The following TMEM135 variants were observed in gnomAD, a reference collection of about 807,000 sequenced individuals.
TMEM135 encodes the protein peroxisomal membrane protein 52.
In TMEM135, 30 loss-of-function variants were observed where a neutral mutation model predicts 60.3. That is an observed-to-expected ratio of 0.50 (90% confidence interval 0.37 to 0.68). The LOEUF (loss-of-function observed/expected upper bound fraction) is 0.68. TMEM135 is among the 30% of genes least tolerant of loss of function. The pLI, the probability that TMEM135 is intolerant of heterozygous loss-of-function variation, is 0.00. For synonymous variants in TMEM135, 190 were observed against 186.7 expected, an observed-to-expected ratio of 1.02 and a Z score of -0.14; for missense variants, 468 against 548.8, an observed-to-expected ratio of 0.85 and a Z score of 1.47.
At chr11:87,294,340 C>G (rs10898663) in intron 6 of TMEM135, among the ~76,000 whole-genome samples, 1 of 151,958 alleles carries the variant, frequency 6.6e-6, no homozygotes, top group Non-Finnish European at 1.5e-5. Context: ...GTGGCCTTTC[C>G]TACAGAAGAC....
At chr11:87,156,961 A>C (rs1938710538) in intron 4 of TMEM135, among the ~76,000 whole-genome samples, 1 of 152,166 alleles carries the variant, frequency 6.6e-6, no homozygotes, top group Admixed American at 6.5e-5. Context: ...TGAGCTCTTA[A>C]AAGATTGTGA....
intron 5 of TMEM135, among the ~76,000 whole-genome samples, chr11:87,174,242 A>T (rs1939314137): frequency 6.6e-6 from 1 of 152,168 alleles, no homozygotes; most frequent in Admixed American, 6.6e-5. Context: ...CCTCTGATTT[A>T]TCTATCATAT....
chr11:87,241,710 C>G (rs1184566929), intron 6 of TMEM135, among the ~76,000 whole-genome samples: 1 of 151,976 alleles, frequency 6.6e-6, no homozygotes, highest in Non-Finnish European at 1.5e-5. Context: ...CTGTCTATCT[C>G]CATGAGTTCA....
intron 5 of TMEM135, among the ~76,000 whole-genome samples, chr11:87,203,641 C>G (rs779580692): frequency 1.2e-4 from 19 of 152,170 alleles, no homozygotes; most frequent in Non-Finnish European, 2.4e-4. Context: ...TAAGTTTTGA[C>G]AATTAGGAAT....
chr11:87,310,508 GA>G (rs568830256), intron 10 of TMEM135, among the ~76,000 whole-genome samples: 105 of 151,526 alleles, frequency 6.9e-4, no homozygotes, highest in Admixed American at 3.0e-3. Context: ...GGCAAGGATT[GA>G]AAAACTAGTG....
rs1555106784 is a variant in TMEM135 at position 87,122,437 on chromosome 11, ATATTTATTTATT to A, written c.396+31059_396+31070del. Among the ~76,000 whole-genome samples the A allele has an allele frequency of 4.8e-5, 7 of 144,946 alleles. No individual in the cohort carries two copies. The East Asian group carries it at 6.0e-4, about 12-fold the overall frequency. ...TTTGTTCATTTATCATTTAGTTTTT[ATATTTATTTATT>A]TATTTATTTATTTATTATTTATTTT... On this transcript the variant is annotated intron_variant, in intron 4 of 14. Coordinates refer to ENST00000305494, the MANE Select transcript of TMEM135 (RefSeq NM_022918.4).
At chr11:87,169,350 C>G (rs1008377598) in intron 5 of TMEM135, among the ~76,000 whole-genome samples, 2 of 150,374 alleles carry the variant, frequency 1.3e-5, no homozygotes, top group African/African-American at 4.9e-5. Context: ...CATTATGATG[C>G]TAGCTGGTTA....
intron 14 of TMEM135, 72 bp downstream of exon 14, chr11:87,319,449 G>A: frequency 1.9e-6 from 2 of 1,065,874 alleles, no homozygotes; most frequent in Non-Finnish European, 1.4e-6. Flanking sequence ...TTCTTTCAGT[G>A]GTAAAGTAGG....
intron 3 of TMEM135, among the ~76,000 whole-genome samples, chr11:87,077,797 T>C (rs930153077): frequency 6.6e-6 from 1 of 152,218 alleles, no homozygotes; most frequent in African/African-American, 2.4e-5. Context: ...CTAATTTCTG[T>C]CTCTAAAGAT....
intron 4 of TMEM135, among the ~76,000 whole-genome samples, chr11:87,145,204 C>T (rs1346151949): frequency 1.3e-5 from 2 of 152,122 alleles, no homozygotes; most frequent in Non-Finnish European, 2.9e-5. Context: ...CTGGGTACGA[C>T]TTATACAGCA....
chr11:87,314,108 A>G (rs1223930577), intron 11 of TMEM135, among the ~76,000 whole-genome samples: 1 of 151,850 alleles, frequency 6.6e-6, no homozygotes, highest in East Asian at 1.9e-4. Context: ...TAATATTAGG[A>G]GAATATATGA....
intron 4 of TMEM135, among the ~76,000 whole-genome samples, chr11:87,148,637 G>C (rs1471451098): frequency 6.6e-6 from 1 of 152,006 alleles, no homozygotes; most frequent in Non-Finnish European, 1.5e-5. Flanking sequence ...TAAGTAGCCT[G>C]ACCTACAGGA....
intron 6 of TMEM135, among the ~76,000 whole-genome samples, chr11:87,282,514 C>T (rs1193457992): frequency 6.6e-6 from 1 of 152,206 alleles, no homozygotes; most frequent in Admixed American, 6.5e-5. Context: ...GATCCACTCG[C>T]CTCGACCTCC....
At chr11:87,081,763 G>A (rs1856997859) in intron 3 of TMEM135, among the ~76,000 whole-genome samples, 1 of 151,170 alleles carries the variant, frequency 6.6e-6, no homozygotes, top group Non-Finnish European at 1.5e-5. Flanking sequence ...TTAGACATTG[G>A]TTGTTCAAAG....
intron 5 of TMEM135, among the ~76,000 whole-genome samples, chr11:87,218,162 C>T (rs1398985887): frequency 6.6e-6 from 1 of 152,064 alleles, no homozygotes; most frequent in Non-Finnish European, 1.5e-5. Flanking sequence ...TACAAGACAG[C>T]CCTTCTTCCC....
chr11:87,203,673 G>A (rs1036891787), intron 5 of TMEM135, among the ~76,000 whole-genome samples: 1 of 152,172 alleles, frequency 6.6e-6, no homozygotes, highest in East Asian at 1.9e-4. Flanking sequence ...AAACATTTGT[G>A]TGCTGGTTTT....
chr11:87,171,832 T>C (rs555190), intron 5 of TMEM135, among the ~76,000 whole-genome samples: 55,937 of 151,872 alleles, frequency 0.37, 10,838 homozygotes, highest in East Asian at 0.67. Flanking sequence ...ACATCATCAT[T>C]AGATTATCAA....
rs547072348 is a variant in TMEM135, at chr11:87,085,049, G to A, written c.363-6313G>A. Among the ~76,000 whole-genome samples, 89 of 152,342 alleles carry A rather than the reference G, an allele frequency of 5.8e-4. 1 individual carries two copies. The highest frequency in any genetic ancestry group is 1.0e-4 in the Non-Finnish European group (7 of 68,022). On this transcript the variant is annotated intron_variant, in intron 3 of 14. Coordinates refer to ENST00000305494, the MANE Select transcript of TMEM135 (RefSeq NM_022918.4). Reference sequence around the variant, plus strand: ...AGATTTAGGCTAAATATAGTCAAATGTAAAACAATAAATTGGCATTTAATT... The same window carrying A: ...AGATTTAGGCTAAATATAGTCAAATATAAAACAATAAATTGGCATTTAATT...
chr11:87,289,566 C>T (rs1045922557), intron 6 of TMEM135, among the ~76,000 whole-genome samples: 4 of 149,298 alleles, frequency 2.7e-5, no homozygotes, highest in East Asian at 2.1e-4. Flanking sequence ...AACCGATTCT[C>T]CTGCCTCAGC....
Sources: gnomAD v4.1 joint callset for allele counts (sites outside exome capture counted in the v4.1 genomes callset) on GRCh38, gnomAD v4.1.1 for gene constraint, MANE v1.5 for transcripts, NCBI Gene and HGNC (gene_info 2026-07-23, HGNC 2026-07-21) for gene names.